PLEKHG2: variants seen among roughly 807,000 people sequenced by gnomAD.
PLEKHG2 encodes pleckstrin homology and RhoGEF domain containing G2.
PLEKHG2 carries 71 observed loss-of-function variants against 104.4 expected under a neutral mutation model. The observed-to-expected ratio is 0.68, with a 90% confidence interval of 0.56 to 0.83. PLEKHG2 has a LOEUF of 0.83. PLEKHG2 is among the 40% of genes least tolerant of loss of function. The probability of loss-of-function intolerance (pLI) is 0.00; values close to 1 mark genes in which losing one functional copy is unlikely to be tolerated. For missense variants in PLEKHG2, 1,730 were observed against 1,809.4 expected (o/e 0.96, Z 0.80); for synonymous variants, 728 against 737.0 (o/e 0.99, Z 0.20).
At position 39,416,301 on chromosome 19, in the gene PLEKHG2, G is replaced by A. The variant is rs571597098; in HGVS notation, c.480-47G>A. ...CAGCCTCCTGGAGGCCTCCCATGGA[G>A]GGGTCGTGAAGGCAGGCGGTTCCTC... On this transcript the variant is annotated intron_variant, in intron 4 of 18. Transcript: ENST00000425673. This position sits in a 1 kb window ranked among gnomAD's most constrained non-coding sequence, Gnocchi z 4.5. 5.0e-6 allele frequency: 8 copies of A among 1,601,338 alleles called. No homozygotes were observed. Among genetic ancestry groups the A allele is most frequent in the South Asian group, 3.3e-5 (3 of 90,494 alleles).
chr19:39,414,036 T>A, intron 1 of PLEKHG2, 29 bp from the exon 2 acceptor site: 1 of 1,495,930 alleles, frequency 6.7e-7, no homozygotes, highest in South Asian at 1.2e-5. Flanking sequence ...CATGGGGTCC[T>A]GATATCCAAG....
At position 39,425,553 on chromosome 19, in the gene PLEKHG2, TGACAA is replaced by T. The variant is rs1280549953; in HGVS notation, c.*265_*269del. 2 of 532,036 alleles carry T rather than the reference TGACAA, an allele frequency of 3.8e-6. No homozygotes were observed. The highest frequency in any genetic ancestry group is 4.0e-5 in the African/African-American group (2 of 50,582). 33.0% of individuals were successfully genotyped at this position (532,036 alleles called of 1,614,324 possible). On this transcript the variant is annotated 3_prime_UTR_variant, in exon 19 of 19. Transcript: ENST00000425673. Reference sequence around the variant, plus strand: ...TTCCCATTCTGGAGGCTGTGGGAGATGACAAGACAATGAATGGGAAGGTCTGACAC... The same window carrying T: ...TTCCCATTCTGGAGGCTGTGGGAGATGACAATGAATGGGAAGGTCTGACAC...
At chr19:39,417,194 T>C (rs573301051) in intron 7 of PLEKHG2, among the ~76,000 whole-genome samples, 194 bp downstream of exon 7, 1 of 146,798 alleles carries the variant, frequency 6.8e-6, no homozygotes, top group East Asian at 1.9e-4. Context: ...CTCTTGTCGA[T>C]GAGGCTGGAG....
Position 39,425,666 on chromosome 19 carries a change from C to T in PLEKHG2, c.*372C>T, listed in dbSNP as rs2078773752. ...GGAAAATGGACCCACTATAACTTGG[C>T]GTGTGTGTGAACTGCTTGATGCCCA... On this transcript the variant is annotated 3_prime_UTR_variant, in exon 19 of 19. Coordinates refer to ENST00000425673, the MANE Select transcript of PLEKHG2 (RefSeq NM_022835.3). 1 of 359,288 alleles carries T rather than the reference C, an allele frequency of 2.8e-6. No homozygotes were observed. Among genetic ancestry groups the T allele is most frequent in the East Asian group, 4.2e-5 (1 of 23,548 alleles). The allele number at this position is 359,288 out of a possible 1,614,324, so 22.3% of individuals were successfully genotyped here. A position where few individuals can be genotyped will look rare whatever the true frequency, so the allele number is the denominator to read the frequency against.
At chr19:39,414,536 G>A (rs2078570788) in intron 2 of PLEKHG2, among the ~76,000 whole-genome samples, 1 of 152,232 alleles carries the variant, frequency 6.6e-6, no homozygotes, top group Non-Finnish European at 1.5e-5. Context: ...AGGCCCAGCG[G>A]TGAGAAAAGG....
Position 39,425,264 on chromosome 19 carries a change from G to A in PLEKHG2, c.4131G>A (p.Gln1377=), listed in dbSNP as rs31729. The change falls in exon 19 of 19, where the codon CAG becomes CAA. Residue 1377 remains glutamine, a synonymous_variant. Transcript: ENST00000425673. ...AATCTATGGGCCTTCACAGGGCCCA[G>A]GGGGCTCCTGATGCCCCCTTCCACA... is the stretch of plus-strand genomic sequence containing the variant. ...TQESMGLHRA[Q]GAPDAPFHM The A allele has an allele frequency of 1.1e-3, 1,804 of 1,612,650 alleles. 3 individuals carry two copies. The highest frequency in any genetic ancestry group is 5.9e-3 in the African/African-American group (440 of 74,994).
At position 39,423,071 on chromosome 19, in the gene PLEKHG2, G is replaced by A; in HGVS notation, c.2017G>A (p.Ala673Thr). The A allele has an allele frequency of 6.2e-7, 1 of 1,614,138 alleles. No homozygotes were observed. Among genetic ancestry groups the A allele is most frequent in the Non-Finnish European group, 8.5e-7 (1 of 1,180,022 alleles). ...SDVFEMPCLP[A>T]IPSVPNTPSL... ...TGTTTTTGAGATGCCCTGCCTTCCA[G>A]CCATACCTAGTGTCCCCAACACCCC... Residue 673 changes from alanine to threonine, a missense_variant, in exon 18 of 19, where the codon GCC becomes ACC. Physicochemically the swap from Ala to Thr is moderately conservative, Grantham distance 58 (BLOSUM62 0). Coordinates refer to ENST00000425673, the MANE Select transcript of PLEKHG2 (RefSeq NM_022835.3).
At position 39,427,663 on chromosome 19, in the gene PLEKHG2, C is replaced by CAAAT. The variant is rs975738752; in HGVS notation, c.*2372_*2375dup. On this transcript the variant is annotated 3_prime_UTR_variant, in exon 19 of 19. Coordinates refer to ENST00000425673, the MANE Select transcript of PLEKHG2 (RefSeq NM_022835.3). ...TGAATTTTTAGCAATCAGTTAGCAGCAAATAAGCTGAGATTTCCTGGGTAC... is the reference window on the plus strand; with the variant it reads ...TGAATTTTTAGCAATCAGTTAGCAGCAAATAAATAAGCTGAGATTTCCTGGGTAC... The CAAAT allele has an allele frequency of 6.6e-6, 1 of 152,212 alleles. No homozygotes were observed. The highest frequency in any genetic ancestry group is 2.4e-5 in the African/African-American group (1 of 41,440). 9.4% of individuals were successfully genotyped at this position (152,212 alleles called of 1,614,324 possible). A position where few individuals can be genotyped will look rare whatever the true frequency, so the allele number is the denominator to read the frequency against.
At position 39,425,052 on chromosome 19, in the gene PLEKHG2, T is replaced by A. The variant is rs371825021; in HGVS notation, c.3919T>A (p.Ser1307Thr). The A allele has an allele frequency of 1.3e-6, 2 of 1,598,674 alleles. No individual in the cohort carries two copies. The highest frequency in any genetic ancestry group is 2.7e-5 in the African/African-American group (2 of 74,266). Residue 1307 changes from serine (S) to threonine (T), a missense_variant, in exon 19 of 19, where the codon TCC (serine) becomes ACC (threonine). Transcript: ENST00000425673. ...AGGGGCCCCCGCAGCCTCCCGGGGC[T>A]CCTGGTCCTCTGCTCCCACGTCACG... ...GGGAPAASRG[S>T]WSSAPTSRAS...
intron 16 of PLEKHG2, chr19:39,421,595 G>A: frequency 2.1e-6 from 1 of 470,948 alleles, no homozygotes; most frequent in South Asian, 2.1e-5. Context: ...GACTGAGGTG[G>A]GAGGATTGCT....
In PLEKHG2 at chr19:39,424,397, G is replaced by A. The variant is rs2078750807; in HGVS notation, c.3264G>A (p.Gln1088=). 1.2e-6 allele frequency: 2 copies of A among 1,614,062 alleles called. No individual in the cohort carries two copies. The highest frequency in any genetic ancestry group is 8.5e-7 in the Non-Finnish European group (1 of 1,180,012). Residue 1088 remains glutamine, a synonymous_variant, in exon 19 of 19, where the codon CAG becomes CAA. Transcript: ENST00000425673. The part of the protein sequence containing the change: ...LSWHGSSLDP[Q]GPGDTLPPLP... ...GGCATGGAAGCAGCCTGGATCCCCA[G>A]GGCCCAGGCGACACCCTACCACCCT...
rs1255613006 is a variant in PLEKHG2 at position 39,422,857 on chromosome 19, G to C, written c.1803G>C (p.Gly601=). 6.3e-7 allele frequency: 1 copy of C among 1,575,100 alleles called. No individual in the cohort carries two copies. Among genetic ancestry groups the C allele is most frequent in the East Asian group, 2.2e-5 (1 of 44,670 alleles). ...SSEEEEEEEE[G]LEMDERGPSP... is the part of the protein sequence containing the mutation. ...AAGAGGAGGAGGAGGAAGAGGAAGG[G>C]CTGGAGATGGATGAACGGGGGCCTT... The change falls in exon 18 of 19, where the codon GGG becomes GGC. Residue 601 remains glycine (G), a synonymous_variant. Transcript: ENST00000425673.
Position 39,424,534 on chromosome 19 carries a change from A to G in PLEKHG2, c.3401A>G (p.Glu1134Gly), listed in dbSNP as rs1281566060. The G allele has an allele frequency of 2.5e-6, 4 of 1,613,888 alleles. No homozygotes were observed. Among genetic ancestry groups the G allele is most frequent in the African/African-American group, 2.7e-5 (2 of 74,850 alleles). The change falls in exon 19 of 19, where the codon GAG (glutamate) becomes GGG (glycine). Residue 1134 changes from glutamate (E) to glycine (G), a missense_variant. By Grantham distance (98) the Glu-to-Gly change is moderately conservative. Coordinates refer to ENST00000425673, the MANE Select transcript of PLEKHG2 (RefSeq NM_022835.3). ...PANAPLSLSQ[E>G]LPDTQVPATT... ...AACGCCCCACTGTCTTTGTCCCAGG[A>G]GCTCCCAGACACTCAGGTTCCAGCT...
At position 39,416,955 on chromosome 19, in the gene PLEKHG2, GCTGAAACCTGT is replaced by G. The variant is rs752292681; in HGVS notation, c.701_711del (p.Leu234ProfsTer97). The G allele has an allele frequency of 3.1e-6, 5 of 1,613,398 alleles. No homozygotes were observed. The South Asian group carries it at 5.5e-5, about 18-fold the overall frequency. On this transcript the variant is annotated frameshift_variant, in exon 7 of 19. Transcript: ENST00000425673. LOFTEE classifies it high-confidence loss of function. The surrounding 1 kb of genome is among the most constrained non-coding windows in gnomAD (Gnocchi z 4.5). ...ACTCGCTGCCCCTGCAGAGCTTCCT[GCTGAAACCTGT>G]CCAGCGCATTCTCAAGTACCATCTG...
At chr19:39,418,189 G>C (rs2078639683) in intron 9 of PLEKHG2, 84 bp downstream of exon 9, 1 of 1,203,334 alleles carries the variant, frequency 8.3e-7, no homozygotes, top group East Asian at 3.1e-5. Flanking sequence ...GGCAGTGTGG[G>C]CCAGGGGACC....
Position 39,415,389 on chromosome 19 carries a change from G to A in PLEKHG2, c.429G>A (p.Glu143=). ...LDGGVLGLSV[E]QVGTLFANIE... ...GCGGGGTCCTGGGGCTGAGCGTGGAGCAGGTGGGCACGCTGTTTGCCAACA... is the reference window on the plus strand; with the variant it reads ...GCGGGGTCCTGGGGCTGAGCGTGGAACAGGTGGGCACGCTGTTTGCCAACA... Residue 143 remains glutamate (E), a synonymous_variant, in exon 4 of 19, where the codon GAG becomes GAA. Coordinates refer to ENST00000425673, the MANE Select transcript of PLEKHG2 (RefSeq NM_022835.3). This position sits in a 1 kb window ranked among gnomAD's most constrained non-coding sequence, Gnocchi z 4.6. 1 of 1,614,178 alleles carries A rather than the reference G, an allele frequency of 6.2e-7. No individual in the cohort carries two copies. The highest frequency in any genetic ancestry group is 8.5e-7 in the Non-Finnish European group (1 of 1,180,024).
chr19:39,421,447 A>C lies in PLEKHG2; in HGVS notation c.1503+148A>C. On this transcript the variant is annotated intron_variant, in intron 16 of 18. Transcript: ENST00000425673. ...ATGCCTGTAATCTCAGTATTTTGGG[A>C]GGTCAAGGCAGGAGGATTGCTCGAG... 3 of 946,788 alleles carry C rather than the reference A, an allele frequency of 3.2e-6. No homozygotes were observed. In the Admixed American group the frequency reaches 6.1e-5, roughly 19 times the overall value. The allele number at this position is 946,788 out of a possible 1,614,324, so 58.6% of individuals were successfully genotyped here.
Position 39,424,050 on chromosome 19 carries a change from T to G in PLEKHG2, c.2917T>G (p.Ser973Ala), listed in dbSNP as rs1387563396. The change falls in exon 19 of 19, where the codon TCT becomes GCT. Residue 973 changes from serine to alanine, a missense_variant. Coordinates refer to ENST00000425673, the MANE Select transcript of PLEKHG2 (RefSeq NM_022835.3). ...HLQVPALTTF[S>A]DQGHPEIQVP... is the part of the protein sequence containing the mutation. ...CCAGGTGCCGGCTCTTACAACTTTC[T>G]CTGATCAAGGCCACCCAGAAATCCA... The G allele has an allele frequency of 6.2e-7, 1 of 1,613,690 alleles. No homozygotes were observed. The highest frequency in any genetic ancestry group is 1.3e-5 in the African/African-American group (1 of 74,754).
rs2078649612 is a variant in PLEKHG2 at position 39,418,730 on chromosome 19, C to T, written c.1084-4C>T. The stretch of plus-strand genomic sequence containing the variant: ...GAGCTTGCTACCCCTCTCTTTCCTT[C>T]CAGTGCTGCAACCTGAGCGTGAGCG... On this transcript the variant is annotated splice_region_variant and splice_polypyrimidine_tract_variant and intron_variant, in intron 9 of 18. Coordinates refer to ENST00000425673, the MANE Select transcript of PLEKHG2 (RefSeq NM_022835.3). The T allele has an allele frequency of 6.2e-7, 1 of 1,610,632 alleles. No individual in the cohort carries two copies. The highest frequency in any genetic ancestry group is 8.5e-7 in the Non-Finnish European group (1 of 1,177,488).
Sources: allele counts gnomAD v4.1 joint callset (sites outside exome capture counted in the v4.1 genomes callset), GRCh38; gene constraint gnomAD v4.1.1; non-coding constraint Gnocchi (gnomAD v3.1); transcripts MANE v1.5; gene names NCBI Gene and HGNC (gene_info 2026-07-23, HGNC 2026-07-21).